The following ZNF446 variants were observed in gnomAD, a reference collection of about 807,000 sequenced individuals.
The protein encoded by ZNF446 is zinc finger protein with KRAB and SCAN domains 20.
Under a neutral mutation model 34.0 loss-of-function variants are expected in ZNF446, and 42 were observed. The observed-to-expected ratio is 1.23, with a 90% CI of 0.96 to 1.60. ZNF446 has a LOEUF of 1.60. ZNF446 is among the 40% of genes most tolerant of loss of function. The pLI, the probability that ZNF446 is intolerant of heterozygous loss-of-function variation, is 0.00. For missense variants in ZNF446, 650 were observed against 600.2 expected (o/e 1.08, Z -0.87); for synonymous variants, 315 against 251.0 (o/e 1.25, Z -2.41).
the ZNF446 span, among the ~76,000 whole-genome samples, chr19:58,486,258 A>C: frequency 6.7e-6 from 1 of 150,098 alleles, no homozygotes; most frequent in African/African-American, 2.5e-5. Flanking sequence ...ACGCCTGGCT[A>C]CTTTTTGTAT....
rs373872544 is a variant in ZNF446 at position 58,479,743 on chromosome 19, C to A, written c.712+16C>A. The stretch of plus-strand genomic sequence containing the variant: ...GTCTCCCTGGGTGAGGACCAGCCAG[C>A]CCCACCCCGCCCCTCTCCCTGGGGC... On this transcript the variant is annotated intron_variant, in intron 5 of 6. Transcript: ENST00000594369. 3 of 1,602,656 alleles carry A rather than the reference C, an allele frequency of 1.9e-6. No homozygotes were observed. The highest frequency in any genetic ancestry group is 2.7e-5 in the African/African-American group (2 of 74,812).
intron 2 of ZNF446, 36 bp downstream of exon 2, chr19:58,477,596 G>T (rs780446816): frequency 6.2e-7 from 1 of 1,613,234 alleles, no homozygotes; most frequent in Middle Eastern, 1.7e-4. Flanking sequence ...TGGAGGGATA[G>T]ACCCTGGCTA....
Position 58,477,699 on chromosome 19 carries a change from T to G in ZNF446, c.405T>G (p.Leu135=). The change falls in exon 3 of 7, where the codon CTT becomes CTG. Residue 135 remains leucine, a synonymous_variant. Coordinates refer to ENST00000594369, the MANE Select transcript of ZNF446 (RefSeq NM_017908.4). ...CAGCCCAGAAGACAGAGGAACCACT[T>G]GGGAGCCCCCACCCCTCAGGGACAG... The part of the protein sequence containing the change: ...LPAAQKTEEP[L]GSPHPSGTVE... The G allele has an allele frequency of 1.2e-6, 2 of 1,613,842 alleles. No individual in the cohort carries two copies. The highest frequency in any genetic ancestry group is 1.7e-6 in the Non-Finnish European group (2 of 1,180,010).
At chr19:58,476,564 G>A (rs116889879) in intron 1 of ZNF446, 60 bp downstream of exon 1, 4,845 of 152,330 alleles carry the variant, frequency 0.032, 113 homozygotes, top group Non-Finnish European at 0.051. Flanking sequence ...CCTCGACTCC[G>A]CGCAACGTGG....
chr19:58,482,364 G>C (rs1349338748), downstream of ZNF446, among the ~76,000 whole-genome samples: 1 of 152,076 alleles, frequency 6.6e-6, no homozygotes, highest in Non-Finnish European at 1.5e-5. Flanking sequence ...AGTCCCTTTT[G>C]CCAATTGAGA....
At chr19:58,478,363 A>G (rs2053108060) in intron 4 of ZNF446, among the ~76,000 whole-genome samples, 182 bp downstream of exon 4, 2 of 152,078 alleles carry the variant, frequency 1.3e-5, no homozygotes, top group Admixed American at 1.3e-4. Context: ...CTGGTGATCT[A>G]TTATTGAAAA....
At chr19:58,482,507 G>C (rs1311757795), downstream of ZNF446, among the ~76,000 whole-genome samples, 1 of 152,100 alleles carries the variant, frequency 6.6e-6, no homozygotes, top group Non-Finnish European at 1.5e-5. Context: ...CTCTCGGAAG[G>C]AGCCCTCGCC....
chr19:58,480,698 G>A lies in ZNF446; in HGVS notation c.1325G>A (p.Arg442His), dbSNP rs745416563. Residue 442 changes from arginine (R) to histidine (H), a missense_variant, in exon 7 of 7, where the codon CGC becomes CAC. By Grantham distance (29) the Arg-to-His change is conservative. Coordinates refer to ENST00000594369, the MANE Select transcript of ZNF446 (RefSeq NM_017908.4). This position sits in a 1 kb window ranked among gnomAD's most constrained non-coding sequence, Gnocchi z 7.2. Reference sequence around the variant, plus strand: ...TGGAAGTCGCAGCTGGTCATCCACCGCAAGGGCCACCGGCCGGAGGTTCCA... The same window carrying A: ...TGGAAGTCGCAGCTGGTCATCCACCACAAGGGCCACCGGCCGGAGGTTCCA... ...FDWKSQLVIH[R>H]KGHRPEVP The A allele has an allele frequency of 6.8e-6, 11 of 1,607,392 alleles. No individual in the cohort carries two copies. The highest frequency in any genetic ancestry group is 2.2e-5 in the South Asian group (2 of 91,064).
chr19:58,478,841 G>A (rs1374680093), intron 4 of ZNF446, among the ~76,000 whole-genome samples: 2 of 151,944 alleles, frequency 1.3e-5, no homozygotes, highest in African/African-American at 4.8e-5. Context: ...GCTGGGGAGG[G>A]GAGAAGATGA....
downstream of ZNF446, among the ~76,000 whole-genome samples, chr19:58,485,245 A>C (rs1199135360): frequency 2.0e-5 from 3 of 151,994 alleles, no homozygotes; most frequent in Non-Finnish European, 4.4e-5. Context: ...TCATGTGTAT[A>C]ATCCCAGCAC....
At chr19:58,486,957 C>G in the ZNF446 span, among the ~76,000 whole-genome samples, 1 of 151,834 alleles carries the variant, frequency 6.6e-6, no homozygotes, top group Admixed American at 6.6e-5. Context: ...TGCCCGCCAC[C>G]ACACCCAGCT....
chr19:58,480,068 G>T lies in ZNF446; in HGVS notation c.802+49G>T. ...CTGAATCACCCCTCCTGTATCGGTG[G>T]GACCTGAGCCACCCACTCATGGGGG... is the stretch of plus-strand genomic sequence containing the variant. On this transcript the variant is annotated intron_variant, in intron 6 of 6. Coordinates refer to ENST00000594369, the MANE Select transcript of ZNF446 (RefSeq NM_017908.4). This position sits in a 1 kb window ranked among gnomAD's most constrained non-coding sequence, Gnocchi z 7.2. 6.4e-7 allele frequency: 1 copy of T among 1,560,462 alleles called. No homozygotes were observed. Among genetic ancestry groups the T allele is most frequent in the Non-Finnish European group, 8.6e-7 (1 of 1,159,268 alleles).
At position 58,477,277 on chromosome 19, in the gene ZNF446, A is replaced by C; in HGVS notation, c.59A>C (p.Glu20Ala). 1 of 1,611,100 alleles carries C rather than the reference A, an allele frequency of 6.2e-7. No homozygotes were observed. The highest frequency in any genetic ancestry group is 1.1e-5 in the South Asian group (1 of 90,854). ...LPVMDPETTL[E>A]EPETARLRFR... The stretch of plus-strand genomic sequence containing the variant: ...GTCATGGACCCAGAGACCACCCTTG[A>C]GGAGCCTGAGACTGCCCGCCTCCGC... Residue 20 changes from glutamate (E) to alanine (A), a missense_variant, in exon 2 of 7, where the codon GAG (glutamate) becomes GCG (alanine). Coordinates refer to ENST00000594369, the MANE Select transcript of ZNF446 (RefSeq NM_017908.4).
At position 58,480,576 on chromosome 19, in the gene ZNF446, G is replaced by T; in HGVS notation, c.1203G>T (p.Gly401=). 1 of 1,612,912 alleles carries T rather than the reference G, an allele frequency of 6.2e-7. No individual in the cohort carries two copies. The highest frequency in any genetic ancestry group is 1.7e-5 in the Admixed American group (1 of 60,008). The part of the protein sequence containing the change: ...GPRSYPCEEC[G]CSFSWKSQLV... Reference sequence around the variant, plus strand: ...GGAGTTACCCGTGTGAGGAGTGCGGGTGCAGCTTCAGCTGGAAGTCGCAGC... The same window carrying T: ...GGAGTTACCCGTGTGAGGAGTGCGGTTGCAGCTTCAGCTGGAAGTCGCAGC... The change falls in exon 7 of 7, where the codon GGG becomes GGT. Residue 401 remains glycine (G), a synonymous_variant. Transcript: ENST00000594369. This position sits in a 1 kb window ranked among gnomAD's most constrained non-coding sequence, Gnocchi z 7.2.
intron 2 of ZNF446, 26 bp downstream of exon 2, chr19:58,477,586 T>TG: frequency 6.2e-7 from 1 of 1,613,026 alleles, no homozygotes; most frequent in South Asian, 1.1e-5. Context: ...ATCAGCTTCT[T>TG]GGAGGGATAG....
intron 4 of ZNF446, 24 bp downstream of exon 4, chr19:58,478,205 A>T (rs2053106779): frequency 6.2e-7 from 1 of 1,608,654 alleles, no homozygotes; most frequent in Admixed American, 1.7e-5. Context: ...AGTGGGAAGT[A>T]TAGGCCCCAG....
chr19:58,477,614 T>C (rs200849473), intron 2 of ZNF446, 23 bp from the exon 3 acceptor site: 2 of 1,613,630 alleles, frequency 1.2e-6, no homozygotes, highest in Non-Finnish European at 1.7e-6. Flanking sequence ...CTAGAGCCAT[T>C]GTGACCTACC....
the ZNF446 span, among the ~76,000 whole-genome samples, chr19:58,486,717 T>TGGGG: frequency 6.7e-5 from 6 of 89,968 alleles, no homozygotes; most frequent in African/African-American, 2.6e-4. Flanking sequence ...CTTTTTTTTT[T>TGGGG]GGGGGGGGGC....
the ZNF446 span, among the ~76,000 whole-genome samples, chr19:58,488,892 G>T: frequency 1.3e-5 from 2 of 150,836 alleles, no homozygotes; most frequent in African/African-American, 2.4e-5. Flanking sequence ...CCAATAGCAG[G>T]TATTGGTGAG....
Sources: allele counts gnomAD v4.1 joint callset (sites outside exome capture counted in the v4.1 genomes callset), GRCh38; gene constraint gnomAD v4.1.1; non-coding constraint Gnocchi (gnomAD v3.1); transcripts MANE v1.5; gene names NCBI Gene and HGNC (gene_info 2026-07-23, HGNC 2026-07-21).